Variants in KSR2 observed in about 807,000 individuals in gnomAD.
KSR2 encodes kinase suppressor of ras 2.
In KSR2, 25 loss-of-function variants were observed where a neutral mutation model predicts 107.8. The observed-to-expected ratio is 0.23, with a 90% CI of 0.17 to 0.32. KSR2 has a LOEUF of 0.32. KSR2 is among the 10% of genes least tolerant of loss of function. The pLI, the probability that KSR2 is intolerant of heterozygous loss-of-function variation, is 1.00. For synonymous variants in KSR2, 480 were observed against 507.0 expected (o/e 0.95, Z 0.71); for missense variants, 887 against 1,268.9 (o/e 0.70, Z 4.57).
At chr12:117,898,492 GTATTTTTAGTAGAGA>G (rs959364248) in intron 1 of KSR2, among the ~76,000 whole-genome samples, 3 of 151,970 alleles carry the variant, frequency 2.0e-5, no homozygotes, top group African/African-American at 7.3e-5. Context: ...GCTAATTTTT[GTATTTTTAGTAGAGA>G]TGGGGTTTCA....
At chr12:117,472,795 C>T (rs1230046090) in intron 17 of KSR2, among the ~76,000 whole-genome samples, 1 of 152,144 alleles carries the variant, frequency 6.6e-6, no homozygotes, top group African/African-American at 2.4e-5. Context: ...TTTTACTCTG[C>T]ACTAGGCACT....
intron 4 of KSR2, among the ~76,000 whole-genome samples, chr12:117,739,882 G>A: frequency 8.0e-6 from 1 of 124,628 alleles, no homozygotes; most frequent in East Asian, 2.6e-4. Context: ...CATATTTTGG[G>A]TGTTACTGTT....
chr12:117,719,297 C>A (rs889329658), intron 4 of KSR2, among the ~76,000 whole-genome samples: 5 of 152,164 alleles, frequency 3.3e-5, no homozygotes, highest in African/African-American at 1.2e-4. Flanking sequence ...CAGGTTCAAG[C>A]AGTTCTCCTG....
At chr12:117,892,787 C>CAAAAAAAAAAAAAAAA (rs35897528) in intron 1 of KSR2, among the ~76,000 whole-genome samples, 1 of 87,124 alleles carries the variant, frequency 1.1e-5, no homozygotes, top group Non-Finnish European at 2.4e-5. Flanking sequence ...GTGCTATGTG[C>CAAAAAAAAAAAAAAAA]AAAAAAAAAA....
chr12:117,837,439 T>C (rs1892266979), intron 3 of KSR2, among the ~76,000 whole-genome samples: 1 of 152,146 alleles, frequency 6.6e-6, no homozygotes, highest in Non-Finnish European at 1.5e-5. Context: ...AACATGACAC[T>C]GCGCCATCAA....
chr12:117,736,868 A>G (rs1887967573), intron 4 of KSR2, among the ~76,000 whole-genome samples: 1 of 152,160 alleles, frequency 6.6e-6, no homozygotes, highest in African/African-American at 2.4e-5. Context: ...ATCAGTTTAC[A>G]GAGGGGAAAT....
chr12:117,486,024 C>T (rs1004430556), intron 14 of KSR2, among the ~76,000 whole-genome samples: 2 of 152,306 alleles, frequency 1.3e-5, no homozygotes, highest in East Asian at 1.9e-4. Flanking sequence ...ACTTCTGGGT[C>T]CTCAGACGCC....
chr12:117,752,932 G>T (rs1349378770), intron 4 of KSR2, among the ~76,000 whole-genome samples: 2 of 152,188 alleles, frequency 1.3e-5, no homozygotes, highest in African/African-American at 4.8e-5. Flanking sequence ...CCAACAACGT[G>T]GCTGTGGGTG....
At chr12:117,964,127 A>C (rs1593410595) in intron 1 of KSR2, among the ~76,000 whole-genome samples, 1 of 152,192 alleles carries the variant, frequency 6.6e-6, no homozygotes, top group South Asian at 2.1e-4. Flanking sequence ...AAAACACAAA[A>C]ATTACCAGGG....
intron 4 of KSR2, among the ~76,000 whole-genome samples, chr12:117,676,289 G>A (rs924298442): frequency 6.6e-6 from 1 of 152,200 alleles, no homozygotes; most frequent in African/African-American, 2.4e-5. Flanking sequence ...AAAAAAAGGG[G>A]CATGATGAGC....
In KSR2 at chr12:117,924,526, C is replaced by T. The variant is rs139694747; in HGVS notation, c.180+43550G>A. ...AGCAGAGGTTGCAGTGAGCTGAGAT[C>T]GTGTCATTGCACTCCAGCCTGGCTG... On this transcript the variant is annotated intron_variant, in intron 1 of 19. Coordinates refer to ENST00000339824, the MANE Select transcript of KSR2 (RefSeq NM_173598.6). Among the ~76,000 whole-genome samples, 527 of 127,858 alleles carry T rather than the reference C, an allele frequency of 4.1e-3. 3 individuals are homozygous for T. The highest frequency in any genetic ancestry group is 0.015 in the African/African-American group (501 of 33,512). The allele number at this position is 127,858 out of a possible 152,430, so 83.9% of individuals were successfully genotyped here. A position where few individuals can be genotyped will look rare whatever the true frequency, so the allele number is the denominator to read the frequency against.
At chr12:117,492,731 G>A (rs74794110) in intron 14 of KSR2, among the ~76,000 whole-genome samples, 4,017 of 152,186 alleles carry the variant, frequency 0.026, 217 homozygotes, top group African/African-American at 0.092. Flanking sequence ...GGATGTAATC[G>A]CAGGGTCTTC....
intron 4 of KSR2, among the ~76,000 whole-genome samples, chr12:117,704,267 C>T (rs1467639303): frequency 6.6e-6 from 1 of 152,158 alleles, no homozygotes; most frequent in Non-Finnish European, 1.5e-5. Context: ...TTGTATCCCA[C>T]CTACCGCTGT....
At chr12:117,864,359 G>T (rs1893404536) in intron 1 of KSR2, among the ~76,000 whole-genome samples, 1 of 152,176 alleles carries the variant, frequency 6.6e-6, no homozygotes, top group South Asian at 2.1e-4. Context: ...TGTGGTATTG[G>T]TTTGGGAAGA....
intron 19 of KSR2, 89 bp downstream of exon 19, chr12:117,469,573 A>G (rs1592901589): frequency 2.8e-6 from 4 of 1,452,320 alleles, no homozygotes; most frequent in Non-Finnish European, 3.8e-6. Flanking sequence ...TTGTTGGGGG[A>G]GGAGTAAAAA....
chr12:117,619,952 C>T (rs1187131308), intron 5 of KSR2, among the ~76,000 whole-genome samples: 1 of 152,054 alleles, frequency 6.6e-6, no homozygotes. Flanking sequence ...TCACTATTCC[C>T]AACTCTAGCC....
intron 1 of KSR2, among the ~76,000 whole-genome samples, chr12:117,880,840 T>C (rs1377225158): frequency 1.3e-5 from 2 of 151,978 alleles, no homozygotes; most frequent in Admixed American, 6.6e-5. Context: ...GCTAACTTTT[T>C]TGTATTTTTA....
intron 19 of KSR2, 135 bp downstream of exon 19, chr12:117,469,527 G>T: frequency 2.0e-6 from 2 of 985,806 alleles, no homozygotes; most frequent in Non-Finnish European, 3.0e-6. Context: ...TAGTAGGGAA[G>T]AGTGGTTGCC....
At chr12:117,938,324 T>C (rs1457091719) in intron 1 of KSR2, among the ~76,000 whole-genome samples, 1 of 152,062 alleles carries the variant, frequency 6.6e-6, no homozygotes, top group Non-Finnish European at 1.5e-5. Context: ...AAGGACTGAA[T>C]GAATGCTGAG....
Sources: gnomAD v4.1 joint callset for allele counts (sites outside exome capture counted in the v4.1 genomes callset) on GRCh38, gnomAD v4.1.1 for gene constraint, MANE v1.5 for transcripts, NCBI Gene and HGNC (gene_info 2026-07-23, HGNC 2026-07-21) for gene names.